Variants in CCDC74A observed in about 807,000 individuals in gnomAD.
CCDC74A encodes the protein coiled-coil domain-containing protein 74A.
A neutral mutation model predicts 37.6 loss-of-function variants in CCDC74A; 38 were observed. The observed-to-expected ratio is 1.01, with a 90% CI of 0.78 to 1.33. The LOEUF (loss-of-function observed/expected upper bound fraction) is 1.33, where lower values mean the gene tolerates loss of function less well. CCDC74A is among the 40% of genes most tolerant of loss of function. The probability of loss-of-function intolerance (pLI) is 0.00; values close to 1 mark genes in which losing one functional copy is unlikely to be tolerated. For synonymous variants in CCDC74A, 134 were observed against 165.2 expected, an observed-to-expected ratio of 0.81 and a Z score of 1.45; for missense variants, 340 against 403.4, an observed-to-expected ratio of 0.84 and a Z score of 1.35.
In CCDC74A at chr2:131,532,680, C is replaced by G. The variant is rs151240749; in HGVS notation, c.577C>G (p.Pro193Ala). ...GRQMGAGAHPPMILPLPLRKP... is the reference protein window; with the variant it reads ...GRQMGAGAHPAMILPLPLRKP... ...GCAGATGGGGGCGGGGGCACACCCC[C>G]CAATGATCCTGCCCCTTCCCCTGCG... The change falls in exon 5 of 8, where the codon CCA (proline) becomes GCA (alanine). Residue 193 changes from proline (P) to alanine (A), a missense_variant. Physicochemically the swap from Pro to Ala is conservative, Grantham distance 27. Around this residue, in one of 3 missense-constraint regions of CCDC74A, gnomAD observed 185 missense variants for 231.5 expected, o/e 0.80. Coordinates refer to ENST00000409856, the MANE Select transcript of CCDC74A (RefSeq NM_001258306.3). The G allele has an allele frequency of 9.9e-6, 16 of 1,613,218 alleles. No homozygotes were observed. In the South Asian group the frequency reaches 1.2e-4, roughly 12 times the overall value.
chr2:131,524,813 C>T (rs1680235481), upstream of CCDC74A, among the ~76,000 whole-genome samples: 1 of 146,936 alleles, frequency 6.8e-6, no homozygotes, highest in East Asian at 2.0e-4. Flanking sequence ...GTAATTTCAA[C>T]ACTTCTGGAG....
At chr2:131,528,979 C>G (rs1369017489) in intron 1 of CCDC74A, among the ~76,000 whole-genome samples, 2 of 147,272 alleles carry the variant, frequency 1.4e-5, no homozygotes, top group Non-Finnish European at 3.0e-5. Flanking sequence ...GGGGCCTTCC[C>G]AACTGCACCC....
chr2:131,529,449 G>A (rs1346841234), intron 1 of CCDC74A, 198 bp from the exon 2 acceptor site: 5 of 745,508 alleles, frequency 6.7e-6, no homozygotes, highest in Non-Finnish European at 9.5e-6. Context: ...CTCTGCCTAG[G>A]GAACAGGCAG....
chr2:131,528,112 A>G lies in CCDC74A; in HGVS notation c.142A>G (p.Lys48Glu). ...GCAGCTCAGGCAGAGCGACCCGCAG[A>G]AACGGAACCTGGACCTGGAGAAAAG... Reference protein sequence around the residue: ...SPQLRQSDPQKRNLDLEKSLQ... With the variant: ...SPQLRQSDPQERNLDLEKSLQ... Residue 48 changes from lysine (K) to glutamate (E), a missense_variant, in exon 1 of 8, where the codon AAA becomes GAA. Physicochemically the swap from Lys to Glu is moderately conservative, Grantham distance 56. Transcript: ENST00000409856. 6.2e-7 allele frequency: 1 copy of G among 1,613,814 alleles called. No homozygotes were observed. The highest frequency in any genetic ancestry group is 8.5e-7 in the Non-Finnish European group (1 of 1,179,822).
chr2:131,527,307 T>G (rs1369274400), upstream of CCDC74A, among the ~76,000 whole-genome samples: 1 of 151,624 alleles, frequency 6.6e-6, no homozygotes. Context: ...ACTCTGTCAC[T>G]TAGGCTGGAG....
upstream of CCDC74A, among the ~76,000 whole-genome samples, chr2:131,523,415 G>A (rs1401559470): frequency 2.0e-5 from 3 of 152,156 alleles, no homozygotes; most frequent in African/African-American, 7.2e-5. Flanking sequence ...ATCACCTGAC[G>A]TCAGGAGTTT....
At chr2:131,526,524 A>C (rs1345411887), upstream of CCDC74A, among the ~76,000 whole-genome samples, 1 of 152,158 alleles carries the variant, frequency 6.6e-6, no homozygotes, top group Non-Finnish European at 1.5e-5. Context: ...CATGTTGTCC[A>C]CTTTTTCCAT....
rs1259984353 is a variant in CCDC74A, at chr2:131,529,717, G to A, written c.295+26G>A. 3.1e-6 allele frequency: 5 copies of A among 1,612,168 alleles called. No individual in the cohort carries two copies. The East Asian group carries it at 1.1e-4, about 36-fold the overall frequency. On this transcript the variant is annotated intron_variant, in intron 2 of 7. Coordinates refer to ENST00000409856, the MANE Select transcript of CCDC74A (RefSeq NM_001258306.3). ...GTGAGAACTGGGCCCTTCAGTGACTGATGGGATGCTCTTGCCACCCAGGGG... is the reference window on the plus strand; with the variant it reads ...GTGAGAACTGGGCCCTTCAGTGACTAATGGGATGCTCTTGCCACCCAGGGG...
rs372298119 is a variant in CCDC74A, at chr2:131,530,629, C to G, written c.296-148C>G. On this transcript the variant is annotated intron_variant, in intron 2 of 7. Coordinates refer to ENST00000409856, the MANE Select transcript of CCDC74A (RefSeq NM_001258306.3). Reference sequence around the variant, plus strand: ...CAGGGCCTCTGCTCCCTTGGGCGCTCGCTGGGTCTGCATCAACGGAGTGTG... The same window carrying G: ...CAGGGCCTCTGCTCCCTTGGGCGCTGGCTGGGTCTGCATCAACGGAGTGTG... 8 of 1,611,828 alleles carry G rather than the reference C, an allele frequency of 5.0e-6. No homozygotes were observed. In the African/African-American group the frequency reaches 8.0e-5, roughly 16 times the overall value.
chr2:131,527,267 G>A (rs1230368024), upstream of CCDC74A, among the ~76,000 whole-genome samples: 2 of 150,542 alleles, frequency 1.3e-5, no homozygotes, highest in South Asian at 2.1e-4. Flanking sequence ...GAGCCACCGC[G>A]CCCAGCCTCT....
At chr2:131,530,888 G>A (rs1681168140) in intron 3 of CCDC74A, 61 bp downstream of exon 3, 3 of 1,594,028 alleles carry the variant, frequency 1.9e-6, no homozygotes, top group South Asian at 2.3e-5. Context: ...CCCCAGCCTG[G>A]GTGGCCTCTA....
At chr2:131,523,823 G>A (rs906990873), upstream of CCDC74A, among the ~76,000 whole-genome samples, 23 of 152,018 alleles carry the variant, frequency 1.5e-4, no homozygotes, top group African/African-American at 4.6e-4. Context: ...ACCTCAGATG[G>A]GCATGCATAC....
chr2:131,529,556 G>A (rs1386142681), intron 1 of CCDC74A, 91 bp from the exon 2 acceptor site: 2 of 1,570,594 alleles, frequency 1.3e-6, no homozygotes, highest in Non-Finnish European at 8.8e-7. Flanking sequence ...GGACTTTTGG[G>A]CTCAGCAGCC....
upstream of CCDC74A, among the ~76,000 whole-genome samples, chr2:131,525,001 CA>C: frequency 6.6e-6 from 1 of 151,704 alleles, no homozygotes; most frequent in Non-Finnish European, 1.5e-5. Flanking sequence ...TTCCAGGCTG[CA>C]AGTGAGCTAT....
upstream of CCDC74A, among the ~76,000 whole-genome samples, chr2:131,525,711 CTTTTTTTTTTTTT>C (rs58721770): frequency 4.7e-5 from 3 of 63,446 alleles, no homozygotes; most frequent in Middle Eastern, 0.015. Flanking sequence ...CTATGCCTGC[CTTTTTTTTTTTTT>C]TTTTTTTTTT....
chr2:131,528,965 C>T (rs563162768), intron 1 of CCDC74A, among the ~76,000 whole-genome samples: 1 of 143,458 alleles, frequency 7.0e-6, no homozygotes, highest in African/African-American at 2.6e-5. Flanking sequence ...TGCTGTCCTC[C>T]GGCGGGGCCT....
At chr2:131,530,260 C>A (rs1274106855) in intron 2 of CCDC74A, 1 of 1,545,198 alleles carries the variant, frequency 6.5e-7, no homozygotes, top group Non-Finnish European at 8.7e-7. Context: ...GCTGTGGTCT[C>A]AAGCTCACTT....
chr2:131,532,604 G>A lies in CCDC74A; in HGVS notation c.501G>A (p.Glu167=), dbSNP rs1466407484. 5.0e-6 allele frequency: 8 copies of A among 1,590,644 alleles called. No homozygotes were observed. Among genetic ancestry groups the A allele is most frequent in the Non-Finnish European group, 6.0e-6 (7 of 1,169,312 alleles). Residue 167 remains glutamate (E), a synonymous_variant, in exon 5 of 8, where the codon GAG becomes GAA. Coordinates refer to ENST00000409856, the MANE Select transcript of CCDC74A (RefSeq NM_001258306.3). ...ACTGTTTCAGAAAGGAGAAAGCAGAGGCCTCTAATGCAGGAGCTGCCTGTA... is the reference window on the plus strand; with the variant it reads ...ACTGTTTCAGAAAGGAGAAAGCAGAAGCCTCTAATGCAGGAGCTGCCTGTA... ...VQGQARKEKA[E]ASNAGAACMG...
At chr2:131,532,545 G>A (rs759009765) in intron 4 of CCDC74A, 44 bp from the exon 5 acceptor site, 40 of 1,511,104 alleles carry the variant, frequency 2.6e-5, no homozygotes, top group Non-Finnish European at 3.2e-5. Context: ...GTGGTTAGAC[G>A]CACCTGGGCA....
Sources: allele counts gnomAD v4.1 joint callset (sites outside exome capture counted in the v4.1 genomes callset), GRCh38; gene constraint gnomAD v4.1.1; regional missense constraint gnomAD v4.1.1; transcripts MANE v1.5; gene names NCBI Gene and HGNC (gene_info 2026-07-23, HGNC 2026-07-21).